Variants in LMBR1 observed in about 807,000 individuals in gnomAD.
The protein encoded by LMBR1 is limb region 1 protein homolog.
Under a neutral mutation model 73.9 loss-of-function variants are expected in LMBR1, and 52 were observed. The ratio of observed to expected loss-of-function variants is 0.70; its 90% CI spans 0.56 to 0.89. LMBR1 has a LOEUF of 0.89. Ranked by LOEUF, LMBR1 falls within the 40% of genes least tolerant of loss-of-function variation. LMBR1 has a pLI of 0.00. For missense variants in LMBR1, 539 were observed against 579.8 expected, an observed-to-expected ratio of 0.93 and a Z score of 0.72; for synonymous variants, 215 against 209.4, an observed-to-expected ratio of 1.03 and a Z score of -0.23.
At chr7:156,882,904 G>A (rs1416001812) in intron 1 of LMBR1, among the ~76,000 whole-genome samples, 3 of 152,142 alleles carry the variant, frequency 2.0e-5, no homozygotes, top group East Asian at 3.9e-4. Context: ...GGTGGCAGAC[G>A]CCTGTAATCC....
chr7:156,836,844 G>A lies in LMBR1; in HGVS notation c.108C>T (p.Tyr36=), dbSNP rs139006246. 2.5e-6 allele frequency: 4 copies of A among 1,581,174 alleles called. No individual in the cohort carries two copies. The highest frequency in any genetic ancestry group is 4.5e-5 in the East Asian group (2 of 44,014). ...LLFAILYVVS[Y]FIITRYKRKS... is the part of the protein sequence containing the mutation. Reference sequence around the variant, plus strand: ...TTCTCTTGTATCTTGTGATGATGAAGTAGGAAACAACGTAGAGAATGGCAA... The same window carrying A: ...TTCTCTTGTATCTTGTGATGATGAAATAGGAAACAACGTAGAGAATGGCAA... Residue 36 remains tyrosine, a synonymous_variant, in exon 2 of 17, where the codon TAC becomes TAT. Transcript: ENST00000353442.
chr7:156,770,237 T>G (rs1824933463), intron 5 of LMBR1, among the ~76,000 whole-genome samples: 1 of 152,174 alleles, frequency 6.6e-6, no homozygotes, highest in African/African-American at 2.4e-5. Flanking sequence ...CAGGCTGGTC[T>G]CTAACTCCTA....
At chr7:156,741,037 T>C (rs1395646241) in intron 9 of LMBR1, among the ~76,000 whole-genome samples, 3 of 151,880 alleles carry the variant, frequency 2.0e-5, no homozygotes, top group African/African-American at 4.8e-5. Flanking sequence ...GAGTCTGTAT[T>C]AGTTTTCTTT....
intron 4 of LMBR1, among the ~76,000 whole-genome samples, chr7:156,804,235 G>T (rs1045960923): frequency 1.3e-5 from 2 of 152,176 alleles, no homozygotes; most frequent in Non-Finnish European, 2.9e-5. Context: ...TCTGGCTTCT[G>T]TTATCTAGCA....
At chr7:156,799,267 T>C (rs1357772178) in intron 4 of LMBR1, among the ~76,000 whole-genome samples, 1 of 152,158 alleles carries the variant, frequency 6.6e-6, no homozygotes, top group African/African-American at 2.4e-5. Flanking sequence ...TGCTGTACTG[T>C]GCTTTGCAGA....
At chr7:156,882,413 G>C (rs1801232206) in intron 1 of LMBR1, among the ~76,000 whole-genome samples, 1 of 152,148 alleles carries the variant, frequency 6.6e-6, no homozygotes, top group Admixed American at 6.6e-5. Flanking sequence ...CTGGGAAAAA[G>C]AGTGAGACTC....
chr7:156,688,150 T>TAA lies in LMBR1; in HGVS notation c.1265_1266dup (p.Asn423LeufsTer20), dbSNP rs1286319979. On this transcript the variant is annotated frameshift_variant, in exon 16 of 17. Coordinates refer to ENST00000353442, the MANE Select transcript of LMBR1 (RefSeq NM_022458.4). LOFTEE classifies it high-confidence loss of function. ...ACAATATAGAAATTTCCCAGCCAAT[T>TAA]AAACCTTCCAAAGTCGCCAAGTAGA... is the stretch of plus-strand genomic sequence containing the variant. The TAA allele has an allele frequency of 4.4e-6, 7 of 1,609,112 alleles. No individual in the cohort carries two copies. Among genetic ancestry groups the TAA allele is most frequent in the Non-Finnish European group, 5.9e-6 (7 of 1,178,410 alleles).
At chr7:156,835,641 G>C (rs1408170197) in intron 2 of LMBR1, among the ~76,000 whole-genome samples, 3 of 147,846 alleles carry the variant, frequency 2.0e-5, no homozygotes, top group African/African-American at 7.6e-5. Context: ...GCTGCAGTAA[G>C]CCGAGATCGC....
intron 9 of LMBR1, among the ~76,000 whole-genome samples, chr7:156,739,764 T>C (rs575257034): frequency 4.6e-5 from 7 of 152,250 alleles, no homozygotes; most frequent in African/African-American, 1.4e-4. Context: ...CGGAAAGCCT[T>C]CCCAAGAAAG....
At chr7:156,816,353 G>A (rs190362010) in intron 4 of LMBR1, among the ~76,000 whole-genome samples, 18 of 152,162 alleles carry the variant, frequency 1.2e-4, no homozygotes, top group African/African-American at 3.6e-4. Flanking sequence ...TTATAGACAC[G>A]CACCATCACA....
chr7:156,852,809 C>A (rs2134095776), intron 1 of LMBR1, among the ~76,000 whole-genome samples: 1 of 152,312 alleles, frequency 6.6e-6, no homozygotes, highest in East Asian at 1.9e-4. Flanking sequence ...CAATAAAGAA[C>A]AATCTGTCCA....
At chr7:156,730,657 G>A (rs1391276500) in intron 10 of LMBR1, among the ~76,000 whole-genome samples, 1 of 152,202 alleles carries the variant, frequency 6.6e-6, no homozygotes, top group Non-Finnish European at 1.5e-5. Flanking sequence ...GGGAAAAAGA[G>A]GCCAGGCACG....
chr7:156,824,258 G>A (rs10265935), intron 4 of LMBR1, among the ~76,000 whole-genome samples: 1 of 152,112 alleles, frequency 6.6e-6, no homozygotes, highest in African/African-American at 2.4e-5. Context: ...GGGAGCGGTT[G>A]GTGTTGCTGT....
chr7:156,695,147 C>T lies in LMBR1; in HGVS notation c.1226-6956G>A, dbSNP rs373833888. Among the ~76,000 whole-genome samples, 20 of 152,190 alleles carry T rather than the reference C, an allele frequency of 1.3e-4. 1 individual carries two copies. The highest frequency in any genetic ancestry group is 6.2e-4 in the South Asian group (3 of 4,830). On this transcript the variant is annotated intron_variant, in intron 15 of 16. Transcript: ENST00000353442. ...AACACAGCAAGAGCCAAAGACTACACGAAATTTAAAAATTAGATGGCCATA... is the reference window on the plus strand; with the variant it reads ...AACACAGCAAGAGCCAAAGACTACATGAAATTTAAAAATTAGATGGCCATA...
chr7:156,684,851 G>A (rs1246008943), intron 16 of LMBR1, among the ~76,000 whole-genome samples: 2 of 152,124 alleles, frequency 1.3e-5, no homozygotes, highest in Non-Finnish European at 2.9e-5. Flanking sequence ...CAGCACTCTG[G>A]GAGGCTGAGG....
At chr7:156,883,083 T>C (rs1001623181) in intron 1 of LMBR1, among the ~76,000 whole-genome samples, 3 of 147,682 alleles carry the variant, frequency 2.0e-5, no homozygotes, top group East Asian at 2.1e-4. Context: ...TAGGTATTCT[T>C]ACTGCAATAC....
chr7:156,861,905 A>C (rs1007391069), intron 1 of LMBR1, among the ~76,000 whole-genome samples: 1 of 152,164 alleles, frequency 6.6e-6, no homozygotes, highest in Non-Finnish European at 1.5e-5. Flanking sequence ...TTTTTGTCAA[A>C]GCCACTCAAC....
chr7:156,778,321 T>C (rs571938249), intron 5 of LMBR1, among the ~76,000 whole-genome samples: 29 of 152,360 alleles, frequency 1.9e-4, no homozygotes, highest in African/African-American at 7.0e-4. Flanking sequence ...AATTATTTAA[T>C]ATGATTATGC....
At chr7:156,875,435 G>GACT (rs1247537938) in intron 1 of LMBR1, among the ~76,000 whole-genome samples, 1 of 152,138 alleles carries the variant, frequency 6.6e-6, no homozygotes, top group Non-Finnish European at 1.5e-5. Flanking sequence ...CCTTGCTAGA[G>GACT]ACCTAGACGT....
Sources: allele counts gnomAD v4.1 joint callset (sites outside exome capture counted in the v4.1 genomes callset), GRCh38; gene constraint gnomAD v4.1.1; transcripts MANE v1.5; gene names NCBI Gene and HGNC (gene_info 2026-07-23, HGNC 2026-07-21).